Variants in FREM3 observed in about 807,000 individuals in gnomAD.
FREM3 encodes the protein FRAS1 related extracellular matrix 3, also known as FRAS1-related extracellular matrix protein 3.
FREM3 carries 105 observed loss-of-function variants against 129.1 expected under a neutral mutation model. The observed-to-expected ratio is 0.81, with a 90% CI of 0.69 to 0.96. FREM3 has a LOEUF of 0.96. FREM3 is among the 40% of genes least tolerant of loss of function. The pLI is 0.00. For missense variants in FREM3, 2,593 were observed against 2,666.3 expected, an observed-to-expected ratio of 0.97 and a Z score of 0.61; for synonymous variants, 1,014 against 1,044.9, an observed-to-expected ratio of 0.97 and a Z score of 0.57.
intron 7 of FREM3, among the ~76,000 whole-genome samples, chr4:143,582,895 TTAC>T (rs1186052525): frequency 1.2e-5 from 1 of 80,306 alleles, no homozygotes; most frequent in African/African-American, 5.0e-5. Context: ...ATTAATTAAT[TTAC>T]TTTTTTTTTT....
In FREM3 at chr4:143,670,581, G is replaced by A. The variant is rs577553362; in HGVS notation, c.5275+22532C>T. Among the ~76,000 whole-genome samples, 8 of 152,124 alleles carry A rather than the reference G, an allele frequency of 5.3e-5. No individual in the cohort carries two copies. In the East Asian group the frequency reaches 1.3e-3, roughly 26 times the overall value. ...GCAATAAACTCTTTTCAAGCAAAAC[G>A]ACGTTTTTAAAATTGACGTATGTGG... On this transcript the variant is annotated intron_variant, in intron 2 of 7. Coordinates refer to ENST00000329798, the MANE Select transcript of FREM3 (RefSeq NM_001168235.2).
intron 6 of FREM3, among the ~76,000 whole-genome samples, chr4:143,595,340 T>C (rs1450818373): frequency 6.6e-6 from 1 of 152,132 alleles, no homozygotes; most frequent in Non-Finnish European, 1.5e-5. Flanking sequence ...AGAAAGACAA[T>C]GCCCATTGGT....
chr4:143,665,528 G>A (rs955441670), intron 2 of FREM3, among the ~76,000 whole-genome samples: 1 of 152,016 alleles, frequency 6.6e-6, no homozygotes, highest in Non-Finnish European at 1.5e-5. Flanking sequence ...CTGAAATTCA[G>A]CCCAAGTTCT....
chr4:143,646,153 T>C (rs1050717694), intron 2 of FREM3, among the ~76,000 whole-genome samples: 1 of 152,222 alleles, frequency 6.6e-6, no homozygotes, highest in East Asian at 1.9e-4. Context: ...AGAAATCCTC[T>C]GTTTATAAAA....
intron 2 of FREM3, among the ~76,000 whole-genome samples, chr4:143,691,879 A>G (rs971763893): frequency 1.2e-4 from 18 of 152,186 alleles, no homozygotes; most frequent in African/African-American, 4.1e-4. Flanking sequence ...TATTCAATAT[A>G]AAATATTTGT....
chr4:143,600,635 C>T (rs1047848971), intron 6 of FREM3, among the ~76,000 whole-genome samples: 7 of 152,182 alleles, frequency 4.6e-5, no homozygotes, highest in Non-Finnish European at 1.0e-4. Flanking sequence ...AGGTCTACTT[C>T]TCCCAAGGTT....
chr4:143,580,492 A>C (rs1024735734), intron 7 of FREM3, among the ~76,000 whole-genome samples: 1 of 152,208 alleles, frequency 6.6e-6, no homozygotes, highest in East Asian at 1.9e-4. Flanking sequence ...GCTAAGGCTC[A>C]GGCATGCATG....
At position 143,698,770 on chromosome 4, in the gene FREM3, C is replaced by T. The variant is rs1553970549; in HGVS notation, c.1906G>A (p.Gly636Arg). ...TCAGTCACCACTTTCTCATAAAGCC[C>T]TTCCTTTTCCATGTAGTGCCAGTCT... is the stretch of plus-strand genomic sequence containing the variant. ...DEDWHYMEKE[G>R]LYEKVVTEWL... The change falls in exon 1 of 8, where the codon GGG becomes AGG. Residue 636 changes from glycine (G) to arginine (R), a missense_variant. Transcript: ENST00000329798. 1.3e-6 allele frequency: 2 copies of T among 1,537,448 alleles called. No homozygotes were observed. Among genetic ancestry groups the T allele is most frequent in the East Asian group, 2.4e-5 (1 of 40,922 alleles).
chr4:143,623,897 A>T (rs1738999288), intron 4 of FREM3, among the ~76,000 whole-genome samples: 1 of 152,172 alleles, frequency 6.6e-6, no homozygotes, highest in Non-Finnish European at 1.5e-5. Flanking sequence ...GCTGATACAG[A>T]TCCTCTCTAT....
chr4:143,676,996 C>T (rs1047377632), intron 2 of FREM3, among the ~76,000 whole-genome samples: 1 of 152,092 alleles, frequency 6.6e-6, no homozygotes, highest in African/African-American at 2.4e-5. Flanking sequence ...CATTGCCATC[C>T]CCATCAAGCT....
chr4:143,700,478 G>A lies in FREM3; in HGVS notation c.198C>T (p.Asn66=). 6.6e-7 allele frequency: 1 copy of A among 1,511,512 alleles called. No homozygotes were observed. The highest frequency in any genetic ancestry group is 1.2e-5 in the South Asian group (1 of 80,834). 93.6% of individuals were successfully genotyped at this position (1,511,512 alleles called of 1,614,324 possible). A position where few individuals can be genotyped will look rare whatever the true frequency, so the allele number is the denominator to read the frequency against. The change falls in exon 1 of 8, where the codon AAC becomes AAT. Residue 66 remains asparagine, a synonymous_variant. Transcript: ENST00000329798. ...GACCCAGGGGCACCCGGAGTCCAGGGTTGGCAATCAGCACGCTGGGGCCGT... is the reference window on the plus strand; with the variant it reads ...GACCCAGGGGCACCCGGAGTCCAGGATTGGCAATCAGCACGCTGGGGCCGT... ...RPDGPSVLIA[N]PGLRVPLGRS...
At chr4:143,673,861 G>C (rs895194339) in intron 2 of FREM3, among the ~76,000 whole-genome samples, 2 of 152,224 alleles carry the variant, frequency 1.3e-5, no homozygotes, top group Non-Finnish European at 2.9e-5. Context: ...AGCAATGAGC[G>C]AGGCTCCATG....
At chr4:143,589,333 G>A (rs1738307987) in intron 6 of FREM3, among the ~76,000 whole-genome samples, 1 of 152,130 alleles carries the variant, frequency 6.6e-6, no homozygotes, top group Non-Finnish European at 1.5e-5. Context: ...TGTCCTGAAT[G>A]GTATTGCCTA....
At chr4:143,611,066 C>T (rs1239583233) in intron 6 of FREM3, among the ~76,000 whole-genome samples, 1 of 152,066 alleles carries the variant, frequency 6.6e-6, no homozygotes, top group Admixed American at 6.5e-5. Context: ...CAAGTAAAGT[C>T]GTACCCAAAT....
chr4:143,578,424 T>C (rs1370908984), intron 7 of FREM3, among the ~76,000 whole-genome samples: 1 of 152,214 alleles, frequency 6.6e-6, no homozygotes, highest in Non-Finnish European at 1.5e-5. Flanking sequence ...CGTAACATGA[T>C]AATCAATGGA....
At chr4:143,693,277 T>A (rs1340335804) in intron 1 of FREM3, 75 bp from the exon 2 acceptor site, 23 of 616,322 alleles carry the variant, frequency 3.7e-5, no homozygotes, top group Non-Finnish European at 4.3e-5. Context: ...CTTCAAAGTT[T>A]TAATTAGGCA....
intron 7 of FREM3, among the ~76,000 whole-genome samples, chr4:143,580,999 G>C (rs1738133108): frequency 6.6e-6 from 1 of 152,186 alleles, no homozygotes; most frequent in Admixed American, 6.5e-5. Context: ...CCTTGGGACA[G>C]AGCTCCCAGA....
intron 2 of FREM3, among the ~76,000 whole-genome samples, chr4:143,691,306 G>A (rs1434043782): frequency 6.6e-6 from 1 of 152,056 alleles, no homozygotes; most frequent in Non-Finnish European, 1.5e-5. Context: ...CCAAAGCAGA[G>A]TGAGTGTATA....
At chr4:143,609,530 T>G (rs1738720479) in intron 6 of FREM3, among the ~76,000 whole-genome samples, 1 of 152,186 alleles carries the variant, frequency 6.6e-6, no homozygotes, top group African/African-American at 2.4e-5. Context: ...CTTCTCACTC[T>G]GCCTGGTTAA....
Sources: gnomAD v4.1 joint callset for allele counts (sites outside exome capture counted in the v4.1 genomes callset) on GRCh38, gnomAD v4.1.1 for gene constraint, MANE v1.5 for transcripts, NCBI Gene and HGNC (gene_info 2026-07-23, HGNC 2026-07-21) for gene names.